EMC3: variants seen among roughly 807,000 people sequenced by gnomAD.
EMC3 encodes the protein ER membrane protein complex subunit 3, also known as 30 kDa protein.
Under a neutral mutation model 36.6 loss-of-function variants are expected in EMC3, and 13 were observed. The observed-to-expected ratio is 0.35, with a 90% CI of 0.23 to 0.56. EMC3 has a LOEUF of 0.56. Ranked by LOEUF, EMC3 falls within the 20% of genes least tolerant of loss-of-function variation. The probability of loss-of-function intolerance (pLI) is 0.84; values close to 1 mark genes in which losing one functional copy is unlikely to be tolerated. For synonymous variants in EMC3, 120 were observed against 111.9 expected (o/e 1.07, Z -0.46); for missense variants, 220 against 324.5 (o/e 0.68, Z 2.47).
intron 1 of EMC3, chr3:10,000,792 A>C (rs1164667615): frequency 6.2e-6 from 3 of 487,256 alleles, no homozygotes; most frequent in Non-Finnish European, 1.2e-5. Context: ...CTTTGTTCTT[A>C]TTGGTGTCTG....
At chr3:9,974,624 T>C in intron 3 of EMC3, 136 bp from the exon 4 acceptor site, 1 of 559,080 alleles carries the variant, frequency 1.8e-6, no homozygotes, top group Non-Finnish European at 3.2e-6. Flanking sequence ...AGTGGTGCGA[T>C]CTCAGCTCAC....
At chr3:9,985,910 A>C (rs1419339859) in intron 1 of EMC3, among the ~76,000 whole-genome samples, 1 of 152,180 alleles carries the variant, frequency 6.6e-6, no homozygotes, top group Non-Finnish European at 1.5e-5. Flanking sequence ...TAAGCAAATA[A>C]ATAGATAAAT....
At chr3:9,996,282 A>C (rs899679346) in intron 1 of EMC3, among the ~76,000 whole-genome samples, 2 of 152,086 alleles carry the variant, frequency 1.3e-5, no homozygotes, top group African/African-American at 2.4e-5. Flanking sequence ...CATCTCTACA[A>C]AAACATACAA....
intron 1 of EMC3, among the ~76,000 whole-genome samples, chr3:9,998,315 G>A (rs551756673): frequency 2.0e-5 from 3 of 150,442 alleles, no homozygotes; most frequent in South Asian, 2.1e-4. Flanking sequence ...GCAGTGAGCC[G>A]AGATTGCGCC....
In EMC3 at chr3:10,007,371, C is replaced by T. The variant is rs760245304; in HGVS notation, c.-242+3652G>A. 2.9e-6 allele frequency: 4 copies of T among 1,363,276 alleles called. No individual in the cohort carries two copies. The East Asian group carries it at 1.8e-4, about 62-fold the overall frequency. The allele number at this position is 1,363,276 out of a possible 1,614,324, so 84.4% of individuals were successfully genotyped here. On this transcript the variant is annotated intron_variant, in intron 1 of 8. Transcript: ENST00000470827. ...ATGCTGAGAGGTCCCCAGGAGGATC[C>T]TGAAGCCCTGGGAACCAGACTGTGC...
At position 9,977,391 on chromosome 3, in the gene EMC3, G is replaced by C. The variant is rs1302100090; in HGVS notation, c.211C>G (p.Gln71Glu). 6.2e-7 allele frequency: 1 copy of C among 1,612,022 alleles called. No homozygotes were observed. Among genetic ancestry groups the C allele is most frequent in the Non-Finnish European group, 8.5e-7 (1 of 1,179,294 alleles). ...TTTAATAAAAGATAAATGAGTACCT[G>C]TTTGGGAATGTATTTTCCATTTTCC... ...LRENGKYIPK[Q>E]SFLTRKYYFN... The change falls in exon 2 of 8, where the codon CAG (glutamine) becomes GAG (glutamate). Residue 71 changes from glutamine (Q) to glutamate (E), a missense_variant and splice_region_variant. Around this residue, in one of 3 missense-constraint regions of EMC3, gnomAD observed 127 missense variants for 174.6 expected, o/e 0.73. Coordinates refer to ENST00000245046, the MANE Select transcript of EMC3 (RefSeq NM_001394674.1).
At chr3:9,996,663 T>C (rs1339008694) in intron 1 of EMC3, among the ~76,000 whole-genome samples, 1 of 152,166 alleles carries the variant, frequency 6.6e-6, no homozygotes, top group African/African-American at 2.4e-5. Flanking sequence ...CTAGGTAATA[T>C]ACATGTGTCA....
intron 7 of EMC3, among the ~76,000 whole-genome samples, 158 bp from the exon 8 acceptor site, chr3:9,964,355 T>C (rs2085717189): frequency 6.6e-6 from 1 of 152,136 alleles, no homozygotes; most frequent in South Asian, 2.1e-4. Context: ...GCTACCCCAA[T>C]CCTCTCCTCC....
intron 3 of EMC3, among the ~76,000 whole-genome samples, chr3:9,975,761 G>T (rs575561697): frequency 6.8e-6 from 1 of 147,738 alleles, no homozygotes; most frequent in South Asian, 2.1e-4. Flanking sequence ...GCAGTGAGCC[G>T]AGATCGCACC....
intron 1 of EMC3, among the ~76,000 whole-genome samples, chr3:9,978,011 T>C (rs933746686): frequency 1.3e-5 from 2 of 151,528 alleles, no homozygotes; most frequent in African/African-American, 4.8e-5. Flanking sequence ...CCATAGTTGA[T>C]CAATAAATAT....
At position 9,973,613 on chromosome 3, in the gene EMC3, A is replaced by G. The variant is rs757872193; in HGVS notation, c.494+15T>C. 44 of 1,612,390 alleles carry G rather than the reference A, an allele frequency of 2.7e-5. No individual in the cohort carries two copies. Among genetic ancestry groups the G allele is most frequent in the Non-Finnish European group, 3.2e-5 (38 of 1,178,516 alleles). ...GTGTGGTTTGTGTTTTTATTAAACA[A>G]AAGAAAGTTCTTACCAGGATGCATC... On this transcript the variant is annotated intron_variant, in intron 5 of 7. Transcript: ENST00000245046.
intron 1 of EMC3, among the ~76,000 whole-genome samples, chr3:9,992,418 G>A (rs374333259): frequency 5.2e-4 from 79 of 152,212 alleles, no homozygotes; most frequent in Admixed American, 2.2e-3. Flanking sequence ...GAGCCCCCAC[G>A]CCCAGCCTGG....
intron 5 of EMC3, chr3:9,973,421 C>G (rs2124905728): frequency 1.8e-6 from 1 of 549,936 alleles, no homozygotes; most frequent in South Asian, 2.1e-5. Flanking sequence ...GTCTCGATCT[C>G]CTGATCTCAT....
intron 1 of EMC3, among the ~76,000 whole-genome samples, chr3:9,994,567 A>C (rs2086099692): frequency 6.6e-6 from 1 of 151,972 alleles, no homozygotes; most frequent in Non-Finnish European, 1.5e-5. Flanking sequence ...ATTTCAAAAC[A>C]TGAGACACTT....
intron 4 of EMC3, among the ~76,000 whole-genome samples, chr3:9,974,112 G>A (rs1043067616): frequency 8.5e-5 from 13 of 152,132 alleles, no homozygotes; most frequent in African/African-American, 3.1e-4. Context: ...ATAGAAATAC[G>A]CTTCCCTTTA....
intron 5 of EMC3, among the ~76,000 whole-genome samples, chr3:9,972,063 TAA>T (rs1295393899): frequency 6.6e-6 from 1 of 152,166 alleles, no homozygotes; most frequent in African/African-American, 2.4e-5. Context: ...TAAAAAATTA[TAA>T]AGAGTGGTAA....
rs532796124 is a variant in EMC3, at chr3:9,997,834, G to A, written c.-241-10932C>T. Among the ~76,000 whole-genome samples the A allele has an allele frequency of 2.0e-5, 3 of 152,012 alleles. No homozygotes were observed. The South Asian group carries it at 6.2e-4, about 32-fold the overall frequency. ...GACACTTGAGTTGTTTCCACCTTTT[G>A]GCCATTTGAATAATGTTGCTATGAG... On this transcript the variant is annotated intron_variant, in intron 1 of 8. Coordinates refer to the EMC3 transcript ENST00000470827.
chr3:9,969,744 G>T lies in EMC3; in HGVS notation c.632C>A (p.Pro211His). 7 of 1,614,038 alleles carry T rather than the reference G, an allele frequency of 4.3e-6. No individual in the cohort carries two copies. Among genetic ancestry groups the T allele is most frequent in the Non-Finnish European group, 5.9e-6 (7 of 1,180,030 alleles). The change falls in exon 7 of 8, where the codon CCC becomes CAC. Residue 211 changes from proline to histidine, a missense_variant. Transcript: ENST00000245046. ...CTTGAAAGCTTTGTTTGTGTCTGCGGGCATGGCCATGGCTGCTCCCGTCAT... is the reference window on the plus strand; with the variant it reads ...CTTGAAAGCTTTGTTTGTGTCTGCGTGCATGGCCATGGCTGCTCCCGTCAT... Reference protein sequence around the residue: ...EQMTGAAMAMPADTNKAFKTE... With the variant: ...EQMTGAAMAMHADTNKAFKTE...
intron 3 of EMC3, among the ~76,000 whole-genome samples, chr3:9,975,233 C>T (rs1240893358): frequency 1.3e-5 from 2 of 152,110 alleles, no homozygotes; most frequent in Admixed American, 6.6e-5. Flanking sequence ...GTAGACCTAT[C>T]GATTGTTTCC....
Sources: allele counts gnomAD v4.1 joint callset (sites outside exome capture counted in the v4.1 genomes callset), GRCh38; gene constraint gnomAD v4.1.1; regional missense constraint gnomAD v4.1.1; transcripts MANE v1.5; gene names NCBI Gene and HGNC (gene_info 2026-07-23, HGNC 2026-07-21).